Variants in TIAM2 observed in about 807,000 individuals in gnomAD.
TIAM2 encodes rho guanine nucleotide exchange factor TIAM2.
Under a neutral mutation model 152.9 loss-of-function variants are expected in TIAM2, and 80 were observed. The ratio of observed to expected loss-of-function variants is 0.52; its 90% confidence interval spans 0.44 to 0.63. The LOEUF is 0.63. Among genes scored for constraint, TIAM2 ranks in the 30% least tolerant of loss-of-function variants. The pLI is 0.00. For synonymous variants in TIAM2, 804 were observed against 838.0 expected, an observed-to-expected ratio of 0.96 and a Z score of 0.70; for missense variants, 1,965 against 2,120.1, an observed-to-expected ratio of 0.93 and a Z score of 1.44.
intron 1 of TIAM2, among the ~76,000 whole-genome samples, chr6:155,023,348 G>C (rs1230503833): frequency 6.6e-6 from 1 of 152,180 alleles, no homozygotes; most frequent in East Asian, 1.9e-4. Context: ...GGGTCAATGT[G>C]AGAGACCTTT....
chr6:155,026,848 A>G (rs1259015533), intron 1 of TIAM2, among the ~76,000 whole-genome samples: 15 of 152,180 alleles, frequency 9.9e-5, no homozygotes. Flanking sequence ...AGACTGGGCT[A>G]CTGCTGGTTT....
intron 14 of TIAM2, among the ~76,000 whole-genome samples, chr6:155,207,638 C>T (rs148318229): frequency 2.0e-5 from 3 of 152,268 alleles, no homozygotes; most frequent in African/African-American, 7.2e-5. Context: ...CAGAGAAAAT[C>T]CGGTGGCACC....
At chr6:155,111,039 A>G (rs1778834988) in intron 2 of TIAM2, among the ~76,000 whole-genome samples, 2 of 152,190 alleles carry the variant, frequency 1.3e-5, no homozygotes, top group African/African-American at 4.8e-5. Flanking sequence ...CTAAGGAGAG[A>G]CAGAGTTTGC....
intron 1 of TIAM2, among the ~76,000 whole-genome samples, chr6:155,032,436 A>G (rs901404485): frequency 2.6e-5 from 4 of 152,210 alleles, no homozygotes; most frequent in African/African-American, 9.7e-5. Context: ...CAAACGGGGA[A>G]TTGAGGCATC....
chr6:155,154,887 C>T (rs1314715792), intron 7 of TIAM2, among the ~76,000 whole-genome samples: 8 of 152,106 alleles, frequency 5.3e-5, no homozygotes, highest in East Asian at 3.9e-4. Context: ...ATAAAGAGGA[C>T]GGATTGCGTT....
chr6:155,112,892 C>G (rs191343689), intron 2 of TIAM2, among the ~76,000 whole-genome samples: 1 of 151,778 alleles, frequency 6.6e-6, no homozygotes, highest in Non-Finnish European at 1.5e-5. Flanking sequence ...TACCACCCCC[C>G]TCCCTTACCA....
Position 155,177,934 on chromosome 6 carries a change from G to A in TIAM2, c.2523+957G>A, listed in dbSNP as rs1780793351. 2.0e-5 allele frequency among the ~76,000 whole-genome samples: 3 copies of A among 152,196 alleles called. No individual in the cohort carries two copies. The South Asian group carries it at 6.2e-4, about 32-fold the overall frequency. The stretch of plus-strand genomic sequence containing the variant: ...TCATGCCTGTAATCCCAGCACTTGG[G>A]GAGGCCGAGGAGGTCAGGAGATCGA... On this transcript the variant is annotated intron_variant, in intron 10 of 26. Transcript: ENST00000682666.
chr6:155,078,017 G>C (rs1049479809), intron 1 of TIAM2, among the ~76,000 whole-genome samples: 2 of 152,086 alleles, frequency 1.3e-5, no homozygotes, highest in African/African-American at 2.4e-5. Flanking sequence ...CTAGTGCTGT[G>C]GGAGGGGCTC....
chr6:155,081,196 A>G (rs988496121), intron 1 of TIAM2, among the ~76,000 whole-genome samples: 2 of 152,140 alleles, frequency 1.3e-5, no homozygotes, highest in African/African-American at 4.8e-5. Context: ...TTGAGAACAG[A>G]TCTTTCCAGA....
chr6:155,078,061 C>T (rs566148378), intron 1 of TIAM2, among the ~76,000 whole-genome samples: 39 of 152,096 alleles, frequency 2.6e-4, no homozygotes, highest in African/African-American at 8.9e-4. Flanking sequence ...TGCTTTCCAA[C>T]TTGACTTTTT....
chr6:155,257,190 CAAAAAAA>C lies in TIAM2; in HGVS notation c.*84_*90del, dbSNP rs11455127. On this transcript the variant is annotated 3_prime_UTR_variant, in exon 27 of 27. Transcript: ENST00000682666. ...TAAACTGGTGGTAAAGTGGAAATTG[CAAAAAAA>C]AAAAAAAAAAAAAACTGTTCATTCC... 32 of 547,750 alleles carry C rather than the reference CAAAAAAA, an allele frequency of 5.8e-5. No individual in the cohort carries two copies. Among genetic ancestry groups the C allele is most frequent in the East Asian group, 1.2e-4 (3 of 25,296 alleles). The allele number at this position is 547,750 out of a possible 1,614,324, so 33.9% of individuals were successfully genotyped here. A position where few individuals can be genotyped will look rare whatever the true frequency, so the allele number is the denominator to read the frequency against.
chr6:155,223,609 A>T (rs1489329441), intron 15 of TIAM2, among the ~76,000 whole-genome samples: 1 of 145,328 alleles, frequency 6.9e-6, no homozygotes, highest in African/African-American at 2.6e-5. Context: ...ACGTGCTGGG[A>T]TGTTTTGGCA....
intron 9 of TIAM2, among the ~76,000 whole-genome samples, chr6:155,166,400 C>G (rs956245700): frequency 1.3e-5 from 2 of 151,622 alleles, no homozygotes; most frequent in Admixed American, 1.3e-4. Context: ...CTTGGCTCGC[C>G]GCAACCTCTG....
At position 154,997,990 on chromosome 6, in the gene TIAM2, AT is replaced by A. The variant is rs557748028; in HGVS notation, c.-209+2506del. 8.5e-5 allele frequency among the ~76,000 whole-genome samples: 13 copies of A among 152,098 alleles called. No homozygotes were observed. In the East Asian group the frequency reaches 2.5e-3, roughly 29 times the overall value. ...GAAAGAAGTAAGAGTTTGGGGGCAG[AT>A]TTTTTTTGTATAAGTCAGTATACAG... On this transcript the variant is annotated intron_variant, in intron 1 of 26. Transcript: ENST00000682666.
At chr6:155,002,074 CCTT>C (rs1302312325) in intron 1 of TIAM2, among the ~76,000 whole-genome samples, 30 of 152,164 alleles carry the variant, frequency 2.0e-4, no homozygotes, top group African/African-American at 7.2e-4. Context: ...GACAGCAGCG[CCTT>C]CTTAGAATAT....
intron 1 of TIAM2, among the ~76,000 whole-genome samples, chr6:155,080,441 C>CTTTT (rs530793960): frequency 2.3e-4 from 33 of 145,358 alleles, no homozygotes; most frequent in African/African-American, 8.0e-4. Flanking sequence ...ACATGGCATC[C>CTTTT]TTTTTTTTTT....
At chr6:155,108,577 T>A (rs977756750) in intron 2 of TIAM2, among the ~76,000 whole-genome samples, 6 of 152,198 alleles carry the variant, frequency 3.9e-5, no homozygotes, top group Admixed American at 3.3e-4. Flanking sequence ...AACACCTTTT[T>A]TCAATACTTT....
chr6:155,252,198 T>C (rs1329121542), intron 23 of TIAM2, among the ~76,000 whole-genome samples, 195 bp downstream of exon 23: 2 of 152,178 alleles, frequency 1.3e-5, no homozygotes, highest in Non-Finnish European at 2.9e-5. Flanking sequence ...AAAGAAGATA[T>C]ACAGCTGGGC....
intron 1 of TIAM2, among the ~76,000 whole-genome samples, chr6:155,078,655 T>C (rs543057650): frequency 2.6e-4 from 39 of 152,284 alleles, no homozygotes; most frequent in African/African-American, 8.9e-4. Context: ...CTGTCTGAAC[T>C]CCCACCCAGG....
Sources: allele counts gnomAD v4.1 joint callset (sites outside exome capture counted in the v4.1 genomes callset), GRCh38; gene constraint gnomAD v4.1.1; transcripts MANE v1.5; gene names NCBI Gene and HGNC (gene_info 2026-07-23, HGNC 2026-07-21).